DCC: variants seen among roughly 807,000 people sequenced by gnomAD.
DCC encodes the protein DCC netrin 1 receptor.
In DCC, 58 loss-of-function variants were observed where a neutral mutation model predicts 172.5. That is an observed-to-expected ratio of 0.34 (90% confidence interval 0.27 to 0.42). DCC has a LOEUF of 0.42. Among genes scored for constraint, DCC ranks in the 10% least tolerant of loss-of-function variants. The pLI, the probability that DCC is intolerant of heterozygous loss-of-function variation, is 1.00. For missense variants in DCC, 1,740 were observed against 1,791.0 expected (o/e 0.97, Z 0.51); for synonymous variants, 709 against 644.5 (o/e 1.10, Z -1.52).
chr18:53,041,798 C>A (rs2042172322), intron 5 of DCC, among the ~76,000 whole-genome samples: 1 of 151,886 alleles, frequency 6.6e-6, no homozygotes, highest in South Asian at 2.1e-4. Flanking sequence ...GGAGTTTGTT[C>A]ATGATTTGGC....
intron 14 of DCC, among the ~76,000 whole-genome samples, chr18:53,330,741 T>C (rs1399594582): frequency 1.3e-5 from 2 of 152,292 alleles, no homozygotes; most frequent in Non-Finnish European, 2.9e-5. Flanking sequence ...TTTACCCAAG[T>C]GTATTTTCAC....
chr18:53,527,709 C>T (rs1308359152), intron 28 of DCC, among the ~76,000 whole-genome samples: 1 of 150,510 alleles, frequency 6.6e-6, no homozygotes. Context: ...AAAAAAAAAA[C>T]ATTTATCCCG....
At chr18:53,229,205 G>A (rs1458844899) in intron 12 of DCC, among the ~76,000 whole-genome samples, 1 of 152,090 alleles carries the variant, frequency 6.6e-6, no homozygotes, top group East Asian at 1.9e-4. Context: ...TAAAAACAAA[G>A]ATTTATGTGA....
chr18:53,500,663 G>A (rs1296039929), intron 27 of DCC, among the ~76,000 whole-genome samples: 1 of 151,722 alleles, frequency 6.6e-6, no homozygotes, highest in Non-Finnish European at 1.5e-5. Flanking sequence ...TTCACATGAT[G>A]TGCAATATGG....
At chr18:53,231,666 A>G (rs570345164) in intron 12 of DCC, among the ~76,000 whole-genome samples, 1 of 152,214 alleles carries the variant, frequency 6.6e-6, no homozygotes, top group African/African-American at 2.4e-5. Flanking sequence ...ATAATATTTA[A>G]GGGAGTATTA....
chr18:53,388,835 A>T (rs1244303751), intron 16 of DCC, among the ~76,000 whole-genome samples: 1 of 152,120 alleles, frequency 6.6e-6, no homozygotes, highest in Non-Finnish European at 1.5e-5. Flanking sequence ...CCCAAGCTGG[A>T]GTGCAGTGGT....
At chr18:52,834,238 G>A (rs143565493) in intron 2 of DCC, among the ~76,000 whole-genome samples, 45 of 151,842 alleles carry the variant, frequency 3.0e-4, no homozygotes, top group Non-Finnish European at 5.7e-4. Context: ...TTTTTAGGAA[G>A]TAAAGTTTTT....
At chr18:53,158,774 C>A (rs1240119026) in intron 8 of DCC, among the ~76,000 whole-genome samples, 1 of 151,882 alleles carries the variant, frequency 6.6e-6, no homozygotes, top group African/African-American at 2.4e-5. Flanking sequence ...GGTGGCTCAC[C>A]TGAGGTCAGG....
At chr18:52,842,306 G>A (rs1396135124) in intron 2 of DCC, among the ~76,000 whole-genome samples, 1 of 152,162 alleles carries the variant, frequency 6.6e-6, no homozygotes, top group African/African-American at 2.4e-5. Flanking sequence ...ACTTGATTAT[G>A]GAGGCTGAGA....
chr18:53,523,804 A>G (rs2046425819), intron 27 of DCC, among the ~76,000 whole-genome samples: 1 of 152,062 alleles, frequency 6.6e-6, no homozygotes, highest in Non-Finnish European at 1.5e-5. Flanking sequence ...ACTAATGTAG[A>G]TGACAGGTTG....
chr18:52,494,264 A>ATG (rs10633986), intron 1 of DCC, among the ~76,000 whole-genome samples: 69,749 of 147,296 alleles, frequency 0.47, 16,909 homozygotes, highest in East Asian at 0.57. Context: ...ATGGTTTGTG[A>ATG]TGTGTGTGTG....
chr18:52,483,216 C>T (rs1394072142), intron 1 of DCC, among the ~76,000 whole-genome samples: 2 of 152,028 alleles, frequency 1.3e-5, no homozygotes, highest in African/African-American at 4.8e-5. Flanking sequence ...CCAGGATGAC[C>T]TCATCTCAAG....
At chr18:53,415,759 C>T (rs1212533093) in intron 20 of DCC, among the ~76,000 whole-genome samples, 2 of 151,758 alleles carry the variant, frequency 1.3e-5, no homozygotes, top group East Asian at 3.9e-4. Context: ...AAAATAGCTT[C>T]CTGAATTTTC....
intron 9 of DCC, among the ~76,000 whole-genome samples, chr18:53,191,158 C>G (rs993014678): frequency 1.3e-5 from 2 of 152,134 alleles, no homozygotes; most frequent in African/African-American, 4.8e-5. Flanking sequence ...ATAATGATTA[C>G]TACTTCTATT....
intron 1 of DCC, among the ~76,000 whole-genome samples, chr18:52,738,927 T>G (rs931993750): frequency 6.6e-6 from 1 of 151,530 alleles, no homozygotes. Flanking sequence ...AAGAATGTTT[T>G]TGTAGAGATG....
chr18:52,661,503 C>A (rs768204), intron 1 of DCC, among the ~76,000 whole-genome samples: 24,806 of 152,112 alleles, frequency 0.16, 2,190 homozygotes, highest in Admixed American at 0.26. Context: ...CCGTCGCTAT[C>A]CTCTGGGCTC....
chr18:52,372,176 C>A (rs1041113465), intron 1 of DCC, among the ~76,000 whole-genome samples: 1 of 152,182 alleles, frequency 6.6e-6, no homozygotes, highest in African/African-American at 2.4e-5. Context: ...GGATATCTAG[C>A]AAGCCACTAG....
chr18:53,272,644 ATTTGTTGAGTGTCTACTCTGGAC>A (rs976138987), intron 12 of DCC, among the ~76,000 whole-genome samples: 11 of 152,260 alleles, frequency 7.2e-5, no homozygotes, highest in African/African-American at 2.6e-4. Flanking sequence ...TTCAGTAATT[ATTTGTTGAGTGTCTACTCTGGAC>A]CACACAGAGT....
At chr18:53,435,081 T>C (rs999606397) in intron 21 of DCC, 63 bp from the exon 22 acceptor site, 1 of 1,230,496 alleles carries the variant, frequency 8.1e-7, no homozygotes, top group Non-Finnish European at 1.2e-6. Flanking sequence ...AAAATATTTA[T>C]TCTTTTTGTC....
Sources: gnomAD v4.1 joint callset for allele counts (sites outside exome capture counted in the v4.1 genomes callset) on GRCh38, gnomAD v4.1.1 for gene constraint, MANE v1.5 for transcripts, NCBI Gene and HGNC (gene_info 2026-07-23, HGNC 2026-07-21) for gene names.